MAST2: variants seen among roughly 807,000 people sequenced by gnomAD.
The protein encoded by MAST2 is microtubule associated serine/threonine kinase 2.
A neutral mutation model predicts 147.4 loss-of-function variants in MAST2; 70 were observed. The observed-to-expected ratio is 0.47, with a 90% CI of 0.39 to 0.58. The LOEUF is 0.58. MAST2 is among the 20% of genes least tolerant of loss of function. The pLI is 0.00. For synonymous variants in MAST2, 869 were observed against 896.8 expected (o/e 0.97, Z 0.55); for missense variants, 2,080 against 2,302.3 (o/e 0.90, Z 1.98).
intron 4 of MAST2, among the ~76,000 whole-genome samples, chr1:45,914,589 A>AG (rs1362502946): frequency 3.3e-5 from 5 of 152,192 alleles, no homozygotes; most frequent in African/African-American, 1.2e-4. Context: ...CACAGGGCTA[A>AG]GGGAGTGTAC....
chr1:45,917,579 C>T (rs1188516824), intron 4 of MAST2: 3 of 1,336,436 alleles, frequency 2.2e-6, no homozygotes, highest in Non-Finnish European at 3.0e-6. Context: ...TTGCTTCTGG[C>T]CAAATGGTAA....
chr1:45,923,559 G>A (rs1653885981), intron 4 of MAST2, among the ~76,000 whole-genome samples: 1 of 152,118 alleles, frequency 6.6e-6, no homozygotes, highest in Non-Finnish European at 1.5e-5. Flanking sequence ...AAGCGAGGGT[G>A]CAGAGAGATT....
At chr1:45,811,197 G>A (rs1199222422) in intron 1 of MAST2, among the ~76,000 whole-genome samples, 2 of 133,612 alleles carry the variant, frequency 1.5e-5, no homozygotes, top group Non-Finnish European at 3.2e-5. Context: ...ACGAAGTCTC[G>A]CTCTTGTCTC....
intron 2 of MAST2, among the ~76,000 whole-genome samples, chr1:45,827,621 A>G (rs549360732): frequency 3.9e-5 from 6 of 152,116 alleles, no homozygotes; most frequent in African/African-American, 7.2e-5. Flanking sequence ...CTCTGGGCTT[A>G]TGGAAGTTTT....
Position 45,803,879 on chromosome 1 carries a change from G to A in MAST2, c.-17G>A, listed in dbSNP as rs1037562014. The stretch of plus-strand genomic sequence containing the variant: ...GGACAGTCGCGGCGCTGACGCCCGC[G>A]GGCCCCAGCTGCAGATATGAAGCGG... On this transcript the variant is annotated 5_prime_UTR_variant, in exon 1 of 29. Transcript: ENST00000361297. 8.1e-5 allele frequency: 46 copies of A among 569,308 alleles called. No individual in the cohort carries two copies. Among genetic ancestry groups the A allele is most frequent in the Admixed American group, 8.9e-5 (2 of 22,484 alleles). The allele number at this position is 569,308 out of a possible 1,614,324, so 35.3% of individuals were successfully genotyped here. A position where few individuals can be genotyped will look rare whatever the true frequency, so the allele number is the denominator to read the frequency against.
intron 3 of MAST2, among the ~76,000 whole-genome samples, chr1:45,848,244 C>T (rs1490758781): frequency 6.6e-6 from 1 of 152,114 alleles, no homozygotes; most frequent in Non-Finnish European, 1.5e-5. Flanking sequence ...TGCGGAAGGC[C>T]GACCCTTGGC....
intron 5 of MAST2, among the ~76,000 whole-genome samples, chr1:45,984,307 ATT>A (rs376546439): frequency 4.2e-5 from 6 of 144,408 alleles, no homozygotes; most frequent in African/African-American, 5.0e-5. Flanking sequence ...TTAATTTTTA[ATT>A]TTTTTTTTTT....
chr1:46,032,222 T>TCTC lies in MAST2; in HGVS notation c.3233_3235dup (p.Ser1078_Gln1079insPro). 1 of 1,614,118 alleles carries TCTC rather than the reference T, an allele frequency of 6.2e-7. No homozygotes were observed. The highest frequency in any genetic ancestry group is 8.5e-7 in the Non-Finnish European group (1 of 1,180,024). ...GTTGGCCAGCCCCATGTCCCCACAT[T>TCTC]CTCAGTCGTCCAACCCATCATCCCG... On this transcript the variant is annotated inframe_insertion, in exon 25 of 29. Coordinates refer to ENST00000361297, the MANE Select transcript of MAST2 (RefSeq NM_015112.3).
At chr1:45,938,046 A>T (rs1656560434) in intron 4 of MAST2, among the ~76,000 whole-genome samples, 1 of 152,168 alleles carries the variant, frequency 6.6e-6, no homozygotes, top group Non-Finnish European at 1.5e-5. Context: ...GTGCTGCTAA[A>T]TGTAGTTTTT....
At chr1:45,977,141 A>T (rs1194179986) in intron 5 of MAST2, among the ~76,000 whole-genome samples, 3 of 152,250 alleles carry the variant, frequency 2.0e-5, no homozygotes, top group South Asian at 4.1e-4. Context: ...AAATAGGGAA[A>T]TTTTTTAAAA....
chr1:45,970,798 G>A (rs1250975214), intron 5 of MAST2, among the ~76,000 whole-genome samples: 1 of 130,710 alleles, frequency 7.7e-6, no homozygotes, highest in Non-Finnish European at 1.6e-5. Flanking sequence ...ACTAAGAAGT[G>A]TTTTTTTTTT....
intron 4 of MAST2, among the ~76,000 whole-genome samples, chr1:45,888,600 G>T (rs1403908812): frequency 6.9e-6 from 1 of 145,806 alleles, no homozygotes; most frequent in Non-Finnish European, 1.5e-5. Flanking sequence ...CTGAACTTGT[G>T]ATCCACCCAC....
intron 5 of MAST2, among the ~76,000 whole-genome samples, chr1:45,991,390 T>C (rs904005406): frequency 1.3e-5 from 2 of 152,226 alleles, no homozygotes; most frequent in African/African-American, 2.4e-5. Flanking sequence ...CCATGTAAAC[T>C]TTAGAATCAA....
In MAST2 at chr1:46,032,682, C is replaced by T; in HGVS notation, c.3501C>T (p.Gly1167=). ...ATGTCAATGGGGAACCTGTGCATGG[C>T]CTGGTGCACACGGAGGTGGTAGAGC... ...ITHVNGEPVH[G]LVHTEVVELI... Residue 1167 remains glycine (G), a synonymous_variant, in exon 26 of 29, where the codon GGC becomes GGT. Coordinates refer to ENST00000361297, the MANE Select transcript of MAST2 (RefSeq NM_015112.3). 1.9e-6 allele frequency: 3 copies of T among 1,614,118 alleles called. No homozygotes were observed. The highest frequency in any genetic ancestry group is 2.5e-6 in the Non-Finnish European group (3 of 1,180,006).
At chr1:46,022,889 C>T in intron 12 of MAST2, 21 bp from the exon 13 acceptor site, 1 of 1,604,246 alleles carries the variant, frequency 6.2e-7, no homozygotes. Flanking sequence ...GCACATTCTT[C>T]TCTTGTATCT....
intron 4 of MAST2, chr1:45,913,616 G>T (rs1652005213): frequency 1.0e-6 from 1 of 998,362 alleles, no homozygotes; most frequent in South Asian, 4.2e-5. Flanking sequence ...ACTTGTCACT[G>T]TCCCACTGCT....
At chr1:45,806,678 A>G (rs868206945) in intron 1 of MAST2, among the ~76,000 whole-genome samples, 1 of 152,190 alleles carries the variant, frequency 6.6e-6, no homozygotes, top group East Asian at 1.9e-4. Flanking sequence ...CCCGGATTCA[A>G]GCGATTCTCT....
intron 3 of MAST2, among the ~76,000 whole-genome samples, chr1:45,872,311 A>G (rs979823458): frequency 6.6e-6 from 1 of 152,340 alleles, no homozygotes; most frequent in Admixed American, 6.5e-5. Flanking sequence ...GACAAGGACC[A>G]GCCTTGTGAC....
In MAST2 at chr1:45,868,525, A is replaced by AC. The variant is rs199731961; in HGVS notation, c.469-13831dup. Among the ~76,000 whole-genome samples the AC allele has an allele frequency of 4.2e-3, 607 of 145,964 alleles. 3 individuals are homozygous for AC. The highest frequency in any genetic ancestry group is 0.039 in the Middle Eastern group (11 of 280). On this transcript the variant is annotated intron_variant, in intron 3 of 28. Coordinates refer to ENST00000361297, the MANE Select transcript of MAST2 (RefSeq NM_015112.3). The stretch of plus-strand genomic sequence containing the variant: ...ACTAAATTGTATAGTATTTTTATGC[A>AC]CCCCCCCCAACCCCCTGCTTGCTTT...
Sources: gnomAD v4.1 joint callset for allele counts (sites outside exome capture counted in the v4.1 genomes callset) on GRCh38, gnomAD v4.1.1 for gene constraint, MANE v1.5 for transcripts, NCBI Gene and HGNC (gene_info 2026-07-23, HGNC 2026-07-21) for gene names.